Variants in HSD17B4 observed in about 807,000 individuals in gnomAD.
HSD17B4 encodes hydroxysteroid 17-beta dehydrogenase 4, also known as peroxisomal multifunctional enzyme type 2.
Under a neutral mutation model 101.0 loss-of-function variants are expected in HSD17B4, and 70 were observed. The observed-to-expected ratio is 0.69, with a 90% CI of 0.57 to 0.85. The LOEUF is 0.85. Among genes scored for constraint, HSD17B4 ranks in the 40% least tolerant of loss-of-function variants. The pLI, the probability that HSD17B4 is intolerant of heterozygous loss-of-function variation, is 0.00. For synonymous variants in HSD17B4, 347 were observed against 297.1 expected (o/e 1.17, Z -1.73); for missense variants, 984 against 892.4 (o/e 1.10, Z -1.31).
At chr5:119,518,982 T>TA (rs1413269775) in intron 17 of HSD17B4, among the ~76,000 whole-genome samples, 2 of 151,606 alleles carry the variant, frequency 1.3e-5, no homozygotes, top group Non-Finnish European at 2.9e-5. Flanking sequence ...ATAATAATAA[T>TA]AAAAAAATTA....
At chr5:119,478,133 T>C (rs1348322383) in intron 7 of HSD17B4, 1 of 156,958 alleles carries the variant, frequency 6.4e-6, no homozygotes, top group African/African-American at 2.4e-5. Context: ...TGGCTGGTGC[T>C]AGTCAGACGT....
intron 2 of HSD17B4, among the ~76,000 whole-genome samples, chr5:119,464,350 G>T (rs1460054115): frequency 6.6e-6 from 1 of 152,004 alleles, no homozygotes; most frequent in Non-Finnish European, 1.5e-5. Context: ...AATAAATTTT[G>T]TGTTGATTTT....
chr5:119,528,133 G>GT (rs1191141058), intron 20 of HSD17B4, among the ~76,000 whole-genome samples: 1 of 152,048 alleles, frequency 6.6e-6, no homozygotes, highest in Non-Finnish European at 1.5e-5. Context: ...TAATAAATCT[G>GT]TATGTAAATA....
At chr5:119,531,560 CA>C (rs1232948545) in intron 22 of HSD17B4, among the ~76,000 whole-genome samples, 156 bp downstream of exon 22, 2 of 122,670 alleles carry the variant, frequency 1.6e-5, no homozygotes, top group African/African-American at 3.1e-5. Context: ...TGGGAATGTC[CA>C]AAGGGGGGTG....
At chr5:119,500,152 T>C (rs1751026028) in intron 13 of HSD17B4, among the ~76,000 whole-genome samples, 1 of 152,138 alleles carries the variant, frequency 6.6e-6, no homozygotes, top group Non-Finnish European at 1.5e-5. Context: ...TTGTTGCTTT[T>C]GGAGACTAGG....
chr5:119,516,929 G>A (rs1267518674), intron 17 of HSD17B4, among the ~76,000 whole-genome samples: 1 of 152,240 alleles, frequency 6.6e-6, no homozygotes, highest in African/African-American at 2.4e-5. Flanking sequence ...GAAGTGAGAG[G>A]TGACAGCGTG....
chr5:119,501,062 A>G (rs1215456482), intron 13 of HSD17B4, among the ~76,000 whole-genome samples: 1 of 152,128 alleles, frequency 6.6e-6, no homozygotes, highest in Non-Finnish European at 1.5e-5. Context: ...AAGACAAGAA[A>G]TATGTGCTGG....
chr5:119,482,219 A>G (rs1352159305), intron 8 of HSD17B4, among the ~76,000 whole-genome samples: 1 of 152,082 alleles, frequency 6.6e-6, no homozygotes, highest in Non-Finnish European at 1.5e-5. Context: ...GTTTCCGTGC[A>G]GGAAGTTTGT....
In HSD17B4 at chr5:119,462,248, A is replaced by ATTTTTTTTTT. The variant is rs10524491; in HGVS notation, c.112+5906_112+5915dup. On this transcript the variant is annotated intron_variant, in intron 2 of 23. Coordinates refer to ENST00000510025, the MANE Select transcript of HSD17B4 (RefSeq NM_000414.4). ...TTCATATCCTCCCCCAACAAATGTG[A>ATTTTTTTTTT]TTTTTTTTTTTTTTTTTTTTTTTTT... Among the ~76,000 whole-genome samples the ATTTTTTTTTT allele has an allele frequency of 5.4e-3, 161 of 30,022 alleles. 28 individuals are homozygous for ATTTTTTTTTT. The highest frequency in any genetic ancestry group is 6.6e-3 in the Non-Finnish European group (84 of 12,658). The allele number at this position is 30,022 out of a possible 152,430, so 19.7% of individuals were successfully genotyped here.
intron 8 of HSD17B4, among the ~76,000 whole-genome samples, chr5:119,481,790 A>G (rs2636959): frequency 2.0e-5 from 3 of 152,318 alleles, no homozygotes; most frequent in African/African-American, 7.2e-5. Context: ...GCATAGCATG[A>G]TAAAGTGGAA....
At chr5:119,511,964 G>A (rs757098962) in intron 16 of HSD17B4, among the ~76,000 whole-genome samples, 95 of 152,268 alleles carry the variant, frequency 6.2e-4, no homozygotes, top group Non-Finnish European at 1.2e-3. Flanking sequence ...TGTTATTTAT[G>A]TTCAAAGAAC....
At chr5:119,473,311 C>CT (rs1748207364) in intron 2 of HSD17B4, among the ~76,000 whole-genome samples, 5 of 48,624 alleles carry the variant, frequency 1.0e-4, no homozygotes, top group Non-Finnish European at 2.2e-4. Flanking sequence ...TTCTTCCCTG[C>CT]TCCTTTTTTT....
At chr5:119,459,975 A>C (rs1293259676) in intron 2 of HSD17B4, among the ~76,000 whole-genome samples, 1 of 149,560 alleles carries the variant, frequency 6.7e-6, no homozygotes, top group East Asian at 2.0e-4. Flanking sequence ...GGTTCACGCC[A>C]TTCTCCTGCC....
At chr5:119,463,047 C>A (rs1402924456) in intron 2 of HSD17B4, among the ~76,000 whole-genome samples, 1 of 152,172 alleles carries the variant, frequency 6.6e-6, no homozygotes, top group Non-Finnish European at 1.5e-5. Flanking sequence ...CAGTATTATA[C>A]TCTGTACTTC....
chr5:119,467,519 A>G (rs1580528803), intron 2 of HSD17B4, among the ~76,000 whole-genome samples: 1 of 152,218 alleles, frequency 6.6e-6, no homozygotes, highest in African/African-American at 2.4e-5. Context: ...TCTTGCTGAA[A>G]TGATACCTTT....
rs543985217 is a variant in HSD17B4, at chr5:119,542,308, A to G, written c.*314A>G. On this transcript the variant is annotated 3_prime_UTR_variant, in exon 24 of 24. Transcript: ENST00000510025. ...ATTGATAAGTTGAAAGGAAAATTAA[A>G]TCAATAAAGGCCTTTGATACCTTTG... is the stretch of plus-strand genomic sequence containing the variant. The G allele has an allele frequency of 5.9e-4, 137 of 232,986 alleles. 1 individual carries two copies. Among genetic ancestry groups the G allele is most frequent in the South Asian group, 3.6e-3 (53 of 14,776 alleles). 14.4% of individuals were successfully genotyped at this position (232,986 alleles called of 1,614,324 possible).
intron 2 of HSD17B4, among the ~76,000 whole-genome samples, chr5:119,460,170 C>T (rs1011481396): frequency 3.3e-5 from 5 of 150,242 alleles, no homozygotes; most frequent in South Asian, 4.3e-4. Flanking sequence ...CCACTGTGCC[C>T]GGCCAAGGCC....
At chr5:119,526,880 A>G (rs1301178540) in intron 19 of HSD17B4, among the ~76,000 whole-genome samples, 1 of 151,870 alleles carries the variant, frequency 6.6e-6, no homozygotes, top group Non-Finnish European at 1.5e-5. Context: ...TTATTTCTTG[A>G]TTTGTCAAGA....
chr5:119,487,870 A>T (rs75162318), intron 8 of HSD17B4, among the ~76,000 whole-genome samples: 1 of 152,080 alleles, frequency 6.6e-6, no homozygotes, highest in Non-Finnish European at 1.5e-5. Flanking sequence ...ACAATTTGAG[A>T]TGGTTGGAGT....
Sources: gnomAD v4.1 joint callset for allele counts (sites outside exome capture counted in the v4.1 genomes callset) on GRCh38, gnomAD v4.1.1 for gene constraint, MANE v1.5 for transcripts, NCBI Gene and HGNC (gene_info 2026-07-23, HGNC 2026-07-21) for gene names.